The following SPATS2 variants were observed in gnomAD, a reference collection of about 807,000 sequenced individuals.
The protein encoded by SPATS2 is spermatogenesis associated serine rich 2, also known as spermatogenesis-associated serine-rich protein 2.
In SPATS2, 38 loss-of-function variants were observed where a neutral mutation model predicts 63.7. The observed-to-expected ratio is 0.60, with a 90% confidence interval of 0.46 to 0.78. SPATS2 has a LOEUF of 0.78. Among genes scored for constraint, SPATS2 ranks in the 30% least tolerant of loss-of-function variants. The probability of loss-of-function intolerance (pLI) is 0.00; values close to 1 mark genes in which losing one functional copy is unlikely to be tolerated. For missense variants in SPATS2, 588 were observed against 666.2 expected, an observed-to-expected ratio of 0.88 and a Z score of 1.29; for synonymous variants, 207 against 232.9, an observed-to-expected ratio of 0.89 and a Z score of 1.01.
Position 49,500,125 on chromosome 12 carries a change from A to G in SPATS2, c.759A>G (p.Ala253=). 6.2e-7 allele frequency: 1 copy of G among 1,611,332 alleles called. No individual in the cohort carries two copies. Among genetic ancestry groups the G allele is most frequent in the Non-Finnish European group, 8.5e-7 (1 of 1,178,992 alleles). ...TCCAGCGCTGCACAGTGTCTCTTGC[A>G]CGGTATCGAGTTGTAGTTAAAGAAG... ...KDLQRCTVSL[A]RYRVVVKEEM... The change falls in exon 9 of 14, where the codon GCA becomes GCG. Residue 253 remains alanine (A), a synonymous_variant. Transcript: ENST00000552918.
chr12:49,473,722 G>A (rs760237652), intron 3 of SPATS2, among the ~76,000 whole-genome samples: 4 of 152,156 alleles, frequency 2.6e-5, no homozygotes, highest in African/African-American at 9.7e-5. Flanking sequence ...CAATGAAAAC[G>A]AATAAACTGC....
At chr12:49,493,074 G>A (rs1250655736) in intron 6 of SPATS2, among the ~76,000 whole-genome samples, 2 of 149,910 alleles carry the variant, frequency 1.3e-5, no homozygotes, top group Non-Finnish European at 3.0e-5. Flanking sequence ...CTCCAGCCTG[G>A]GCAACAAGAG....
chr12:49,386,344 A>G (rs1237351376), intron 2 of SPATS2, among the ~76,000 whole-genome samples: 1 of 151,404 alleles, frequency 6.6e-6, no homozygotes, highest in African/African-American at 2.4e-5. Context: ...TTGTATTTTT[A>G]GTAGAGACGG....
intron 2 of SPATS2, among the ~76,000 whole-genome samples, chr12:49,425,770 C>T (rs1475433173): frequency 6.6e-6 from 1 of 152,184 alleles, no homozygotes; most frequent in African/African-American, 2.4e-5. Flanking sequence ...GCTGGGATTA[C>T]AGGCGCATGC....
chr12:49,518,081 C>G (rs1309892288), intron 10 of SPATS2, among the ~76,000 whole-genome samples: 7 of 152,148 alleles, frequency 4.6e-5, no homozygotes, highest in Non-Finnish European at 7.4e-5. Flanking sequence ...TCAGATCTTC[C>G]AAGGATGGGG....
chr12:49,458,977 G>A (rs189250203), intron 2 of SPATS2, among the ~76,000 whole-genome samples: 3 of 152,094 alleles, frequency 2.0e-5, no homozygotes, highest in Non-Finnish European at 2.9e-5. Context: ...TAAATGGTTT[G>A]TTTTCAAGGC....
intron 9 of SPATS2, among the ~76,000 whole-genome samples, chr12:49,509,881 A>G (rs1190276013): frequency 1.3e-5 from 2 of 151,666 alleles, no homozygotes; most frequent in Admixed American, 1.3e-4. Context: ...ATATGGAAAG[A>G]GGAAACCGTC....
At chr12:49,521,169 T>C (rs1185359168) in intron 11 of SPATS2, among the ~76,000 whole-genome samples, 1 of 152,228 alleles carries the variant, frequency 6.6e-6, no homozygotes. Flanking sequence ...TCTCCACACC[T>C]GTGCCCTTTA....
intron 2 of SPATS2, among the ~76,000 whole-genome samples, chr12:49,410,867 TG>T (rs1259445039): frequency 6.6e-6 from 1 of 152,048 alleles, no homozygotes; most frequent in East Asian, 1.9e-4. Flanking sequence ...GAGGGTTAGG[TG>T]CTATCAAATA....
chr12:49,415,230 A>T (rs1271682767), intron 2 of SPATS2, among the ~76,000 whole-genome samples: 1 of 151,734 alleles, frequency 6.6e-6, no homozygotes, highest in Admixed American at 6.6e-5. Context: ...TTTTTAGCAG[A>T]GATGGGGTTT....
intron 2 of SPATS2, among the ~76,000 whole-genome samples, chr12:49,373,777 T>C (rs1391525658): frequency 6.6e-6 from 1 of 152,050 alleles, no homozygotes; most frequent in Non-Finnish European, 1.5e-5. Flanking sequence ...ATACAAAAAT[T>C]GGCTGAGCGT....
chr12:49,461,094 A>G (rs762126323), intron 3 of SPATS2, 57 bp downstream of exon 3: 16 of 1,563,042 alleles, frequency 1.0e-5, no homozygotes, highest in Non-Finnish European at 1.4e-5. Context: ...ATCCCCATTT[A>G]TAGCTGTATA....
At chr12:49,432,361 A>G (rs903714949) in intron 2 of SPATS2, among the ~76,000 whole-genome samples, 7 of 152,218 alleles carry the variant, frequency 4.6e-5, no homozygotes, top group Non-Finnish European at 1.0e-4. Context: ...AGTCCCAGCT[A>G]CTGGGGACGC....
intron 12 of SPATS2, among the ~76,000 whole-genome samples, 173 bp from the exon 13 acceptor site, chr12:49,524,509 G>A (rs1015483739): frequency 1.3e-5 from 2 of 152,192 alleles, no homozygotes; most frequent in African/African-American, 2.4e-5. Context: ...AGGAAGTGGA[G>A]GAAGAGGGCA....
chr12:49,422,508 GA>G (rs1253530185), intron 2 of SPATS2, among the ~76,000 whole-genome samples: 1 of 151,960 alleles, frequency 6.6e-6, no homozygotes, highest in Non-Finnish European at 1.5e-5. Flanking sequence ...GTTTGTTTCA[GA>G]AGTATGTTTC....
intron 2 of SPATS2, among the ~76,000 whole-genome samples, chr12:49,423,898 G>A (rs952068522): frequency 7.9e-5 from 12 of 152,024 alleles, no homozygotes; most frequent in Non-Finnish European, 1.0e-4. Context: ...AAAATCTCTT[G>A]TTTTTTCTAT....
intron 2 of SPATS2, among the ~76,000 whole-genome samples, chr12:49,386,697 A>T (rs1029560748): frequency 2.0e-4 from 30 of 152,314 alleles, no homozygotes; most frequent in African/African-American, 7.2e-4. Context: ...TGAAGTGGCT[A>T]AGAGATAGTG....
intron 2 of SPATS2, among the ~76,000 whole-genome samples, chr12:49,392,743 T>C (rs1398529540): frequency 1.3e-5 from 2 of 151,270 alleles, no homozygotes; most frequent in Non-Finnish European, 2.9e-5. Context: ...AAGAAATATT[T>C]CAAATCCACA....
chr12:49,514,117 A>G (rs907888497), intron 9 of SPATS2, among the ~76,000 whole-genome samples: 1 of 151,598 alleles, frequency 6.6e-6, no homozygotes, highest in African/African-American at 2.4e-5. Flanking sequence ...AGATCGCGCC[A>G]CTGCACTCCA....
Sources: gnomAD v4.1 joint callset for allele counts (sites outside exome capture counted in the v4.1 genomes callset) on GRCh38, gnomAD v4.1.1 for gene constraint, MANE v1.5 for transcripts, NCBI Gene and HGNC (gene_info 2026-07-23, HGNC 2026-07-21) for gene names.